Variants in DIPK1A observed in about 807,000 individuals in gnomAD.
The protein encoded by DIPK1A is family with sequence similarity 69 member A.
A neutral mutation model predicts 40.8 loss-of-function variants in DIPK1A; 27 were observed. The ratio of observed to expected loss-of-function variants is 0.66; its 90% CI spans 0.49 to 0.91. The LOEUF is 0.91. Ranked by LOEUF, DIPK1A falls within the 40% of genes least tolerant of loss-of-function variation. The probability of loss-of-function intolerance (pLI) is 0.00; values close to 1 mark genes in which losing one functional copy is unlikely to be tolerated. For missense variants in DIPK1A, 412 were observed against 505.7 expected (o/e 0.81, Z 1.78); for synonymous variants, 166 against 171.3 (o/e 0.97, Z 0.24).
chr1:92,833,745 A>G (rs1571024657), intron 4 of DIPK1A: 1 of 1,058,676 alleles, frequency 9.4e-7, no homozygotes, highest in East Asian at 2.4e-5. Flanking sequence ...GTGTGTTAGA[A>G]GGGCTGTCTA....
intron 1 of DIPK1A, among the ~76,000 whole-genome samples, chr1:92,955,392 G>C (rs965742931): frequency 2.0e-5 from 3 of 152,172 alleles, no homozygotes; most frequent in Non-Finnish European, 4.4e-5. Flanking sequence ...ACCATTATGT[G>C]GGGGATGTTA....
chr1:92,924,478 G>A (rs779365430), intron 1 of DIPK1A, among the ~76,000 whole-genome samples: 3 of 152,052 alleles, frequency 2.0e-5, no homozygotes, highest in Non-Finnish European at 2.9e-5. Context: ...AAAAAAGAGG[G>A]AGTGAATGCG....
At chr1:92,864,642 A>G (rs559873398) in intron 2 of DIPK1A, among the ~76,000 whole-genome samples, 135 of 152,352 alleles carry the variant, frequency 8.9e-4, no homozygotes, top group Non-Finnish European at 1.7e-3. Flanking sequence ...TCTTACTTAC[A>G]AAGTCAAACT....
chr1:92,897,075 AC>A (rs1649205673), intron 1 of DIPK1A, among the ~76,000 whole-genome samples: 1 of 151,874 alleles, frequency 6.6e-6, no homozygotes, highest in African/African-American at 2.4e-5. Context: ...AACTAGTTCA[AC>A]CATTGTGGAA....
intron 1 of DIPK1A, among the ~76,000 whole-genome samples, chr1:92,909,837 A>C (rs1034592413): frequency 3.9e-5 from 6 of 152,200 alleles, no homozygotes; most frequent in Non-Finnish European, 4.4e-5. Flanking sequence ...AGGACTGCCC[A>C]AGTGCTTTAG....
intron 1 of DIPK1A, among the ~76,000 whole-genome samples, chr1:92,943,595 A>C (rs1651251195): frequency 1.3e-5 from 2 of 152,164 alleles, no homozygotes; most frequent in African/African-American, 2.4e-5. Flanking sequence ...TGAAAGAACA[A>C]ACTGCAGAAA....
chr1:92,901,037 A>G (rs1206162679), intron 1 of DIPK1A, among the ~76,000 whole-genome samples: 1 of 152,030 alleles, frequency 6.6e-6, no homozygotes, highest in Non-Finnish European at 1.5e-5. Flanking sequence ...TGTCCAGGTA[A>G]GTGTAGTGGT....
intron 2 of DIPK1A, among the ~76,000 whole-genome samples, chr1:92,855,802 G>GGT (rs1687968641): frequency 6.6e-6 from 1 of 152,074 alleles, no homozygotes; most frequent in Admixed American, 6.6e-5. Context: ...AATCAGGCCA[G>GGT]GTGTGGTGGC....
chr1:92,843,228 C>A lies in DIPK1A; in HGVS notation c.*155G>T. ...TGGGGACCTGTTGATCCTACACCTG[C>A]CATTACTTCAGTGATCACATACTGA... On this transcript the variant is annotated 3_prime_UTR_variant, in exon 5 of 5. Coordinates refer to ENST00000370310, the MANE Select transcript of DIPK1A (RefSeq NM_001006605.5). 7.1e-7 allele frequency: 1 copy of A among 1,416,826 alleles called. No homozygotes were observed. 87.8% of individuals were successfully genotyped at this position (1,416,826 alleles called of 1,614,324 possible).
intron 2 of DIPK1A, among the ~76,000 whole-genome samples, chr1:92,875,325 T>C (rs990328523): frequency 1.3e-5 from 2 of 152,190 alleles, no homozygotes; most frequent in Admixed American, 6.5e-5. Flanking sequence ...TCAACAACTA[T>C]AGAATCTTTA....
At chr1:92,907,305 T>C (rs1301244754) in intron 1 of DIPK1A, among the ~76,000 whole-genome samples, 1 of 152,214 alleles carries the variant, frequency 6.6e-6, no homozygotes, top group African/African-American at 2.4e-5. Flanking sequence ...TTCTGCAGTA[T>C]TGTCTTAAAA....
intron 1 of DIPK1A, among the ~76,000 whole-genome samples, chr1:92,948,341 T>A (rs1651452786): frequency 6.6e-6 from 1 of 152,142 alleles, no homozygotes; most frequent in Non-Finnish European, 1.5e-5. Flanking sequence ...GAGGTGGTGG[T>A]GGCAGGAATG....
downstream of DIPK1A, chr1:92,840,858 C>T (rs750367300): frequency 7.6e-6 from 5 of 655,456 alleles, no homozygotes; most frequent in African/African-American, 1.8e-5. Context: ...AGTCTAAGTA[C>T]TGGTTACTGC....
At chr1:92,841,644 A>T, downstream of DIPK1A, 1 of 594,652 alleles carries the variant, frequency 1.7e-6, no homozygotes, top group Non-Finnish European at 2.7e-6. Flanking sequence ...TGGATTATTT[A>T]ACCTTCTGAT....
intron 2 of DIPK1A, among the ~76,000 whole-genome samples, chr1:92,858,692 C>T (rs1688067459): frequency 6.6e-6 from 1 of 152,174 alleles, no homozygotes. Context: ...AAATCTCAAG[C>T]CAACCCTTCA....
chr1:92,943,657 G>A (rs541959054), intron 1 of DIPK1A, among the ~76,000 whole-genome samples: 9 of 152,292 alleles, frequency 5.9e-5, no homozygotes, highest in South Asian at 2.1e-4. Context: ...AAAGTACTCC[G>A]CTGGCACGAG....
chr1:92,895,630 C>T (rs1310379374), intron 1 of DIPK1A, among the ~76,000 whole-genome samples: 1 of 152,076 alleles, frequency 6.6e-6, no homozygotes, highest in Non-Finnish European at 1.5e-5. Flanking sequence ...TCCTATTCAA[C>T]ACAGTGTTGG....
chr1:92,837,528 G>T, downstream of DIPK1A: 3 of 1,612,244 alleles, frequency 1.9e-6, no homozygotes, highest in Non-Finnish European at 1.7e-6. Context: ...AGCACATCAT[G>T]GGCCAGAATG....
At chr1:92,841,732 T>C (rs1327868863), downstream of DIPK1A, 5 of 1,371,826 alleles carry the variant, frequency 3.6e-6, no homozygotes, top group African/African-American at 5.7e-5. Context: ...TCTTCAGTTA[T>C]AGTTTAAAAA....
Sources: gnomAD v4.1 joint callset for allele counts (sites outside exome capture counted in the v4.1 genomes callset) on GRCh38, gnomAD v4.1.1 for gene constraint, MANE v1.5 for transcripts, NCBI Gene and HGNC (gene_info 2026-07-23, HGNC 2026-07-21) for gene names.